Variants in AGAP4 observed in about 807,000 individuals in gnomAD.
The protein encoded by AGAP4 is ArfGAP with GTPase domain, ankyrin repeat and PH domain 4.
A neutral mutation model predicts 60.7 loss-of-function variants in AGAP4; 13 were observed. The ratio of observed to expected loss-of-function variants is 0.21; its 90% confidence interval spans 0.14 to 0.34. AGAP4 has a LOEUF of 0.34. Among genes scored for constraint, AGAP4 ranks in the 10% least tolerant of loss-of-function variants. The probability of loss-of-function intolerance (pLI) is 1.00; values close to 1 mark genes in which losing one functional copy is unlikely to be tolerated. For missense variants in AGAP4, 169 were observed against 884.0 expected (o/e 0.19, Z 10.26); for synonymous variants, 70 against 339.0 (o/e 0.21, Z 8.72).
exon 1 of AGAP4, chr10:45,853,786 C>T: frequency 7.8e-7 from 1 of 1,287,664 alleles, no homozygotes; most frequent in Non-Finnish European, 1.0e-6. Flanking sequence ...TTTGTGAAGG[C>T]ATCTTAGACA....
At chr10:45,843,915 C>T (rs782126926) in intron 3 of AGAP4, among the ~76,000 whole-genome samples, 2,411 of 149,932 alleles carry the variant, frequency 0.016, 52 homozygotes, top group Middle Eastern at 0.024. Context: ...TGATGATAAA[C>T]GACTATGTTT....
upstream of AGAP4, chr10:45,848,079 T>C (rs1554899834): frequency 2.0e-5 from 20 of 991,076 alleles, no homozygotes; most frequent in Non-Finnish European, 2.4e-5. Flanking sequence ...TGACTAAATA[T>C]AGATACACCT....
In AGAP4 at chr10:45,846,996, T is replaced by C. The variant is rs1453211777; in HGVS notation, c.223+129A>G. On this transcript the variant is annotated intron_variant, in intron 1 of 7. Coordinates refer to ENST00000616763, the MANE Select transcript of AGAP4 (RefSeq NM_001276343.3). ...TCAAGGCAGAGCCAGCTTTTGTTCC[T>C]GGCCAGCTCCCGGGAAAGCTGGCTA... 289 of 1,596,580 alleles carry C rather than the reference T, an allele frequency of 1.8e-4. 1 individual carries two copies. The African/African-American group carries it at 3.4e-3, about 19-fold the overall frequency.
upstream of AGAP4, among the ~76,000 whole-genome samples, chr10:45,850,706 AG>A (rs2059072913): frequency 6.6e-6 from 1 of 152,226 alleles, no homozygotes; most frequent in Non-Finnish European, 1.5e-5. Flanking sequence ...GTGAAAGAAG[AG>A]GGGAAGTAGA....
upstream of AGAP4, among the ~76,000 whole-genome samples, chr10:45,848,683 C>G (rs2059038645): frequency 1.3e-5 from 2 of 152,198 alleles, no homozygotes; most frequent in South Asian, 4.2e-4. Flanking sequence ...GCATGATTAT[C>G]AGAAAGTATA....
intron 4 of AGAP4, among the ~76,000 whole-genome samples, chr10:45,837,102 T>G (rs1554897971): frequency 7.2e-6 from 1 of 139,780 alleles, no homozygotes; most frequent in Non-Finnish European, 1.6e-5. Context: ...CCTGACCTCA[T>G]GATCCGTCCG....
At chr10:45,850,554 A>G (rs1554900227), upstream of AGAP4, among the ~76,000 whole-genome samples, 1 of 152,230 alleles carries the variant, frequency 6.6e-6, no homozygotes, top group Admixed American at 6.5e-5. Context: ...TCTGTATAAT[A>G]AGGACTGAAG....
chr10:45,852,293 T>C (rs1256321802), upstream of AGAP4, among the ~76,000 whole-genome samples: 1 of 135,758 alleles, frequency 7.4e-6, no homozygotes, highest in African/African-American at 2.8e-5. Context: ...CACTTCTTGA[T>C]ACAACTAACT....
At chr10:45,830,095 AC>A (rs2058707010) in intron 6 of AGAP4, among the ~76,000 whole-genome samples, 1 of 149,024 alleles carries the variant, frequency 6.7e-6, no homozygotes, top group East Asian at 1.9e-4. Context: ...GTTAACAAAT[AC>A]CCACAACTGT....
intron 4 of AGAP4, among the ~76,000 whole-genome samples, chr10:45,838,790 A>G (rs1444044228): frequency 2.6e-5 from 4 of 151,830 alleles, no homozygotes; most frequent in Non-Finnish European, 5.9e-5. Flanking sequence ...TGACCAGGCT[A>G]AAAATGAACA....
chr10:45,834,376 A>G (rs1207824713), intron 4 of AGAP4, among the ~76,000 whole-genome samples: 4 of 141,056 alleles, frequency 2.8e-5, no homozygotes, highest in Non-Finnish European at 4.5e-5. Context: ...CGTTAAAAAT[A>G]ATGGGAAAAG....
chr10:45,832,275 A>T (rs1300164704), intron 5 of AGAP4, among the ~76,000 whole-genome samples: 2 of 146,344 alleles, frequency 1.4e-5, no homozygotes, highest in East Asian at 3.9e-4. Flanking sequence ...GAAAGGACCA[A>T]TGACCTTATG....
At chr10:45,848,915 G>A (rs1328548973), upstream of AGAP4, 1 of 150,376 alleles carries the variant, frequency 6.6e-6, no homozygotes, top group African/African-American at 2.5e-5. Flanking sequence ...AGGAGCAACT[G>A]TCAAACATGT....
At chr10:45,832,277 G>T (rs1554897254) in intron 5 of AGAP4, among the ~76,000 whole-genome samples, 2 of 146,168 alleles carry the variant, frequency 1.4e-5, no homozygotes, top group African/African-American at 5.0e-5. Context: ...AAGGACCAAT[G>T]ACCTTATGTG....
upstream of AGAP4, among the ~76,000 whole-genome samples, chr10:45,851,173 C>T (rs1388461535): frequency 6.6e-6 from 1 of 151,864 alleles, no homozygotes; most frequent in African/African-American, 2.4e-5. Context: ...GAGGTGACTG[C>T]CCTGAGAAGC....
intron 4 of AGAP4, 29 bp from the exon 5 acceptor site, chr10:45,834,145 C>T: frequency 1.3e-6 from 2 of 1,517,926 alleles, no homozygotes; most frequent in Non-Finnish European, 1.8e-6. Context: ...GTAAGTCAAA[C>T]TTATCAAAGT....
intron 4 of AGAP4, among the ~76,000 whole-genome samples, chr10:45,838,040 C>T (rs2058851463): frequency 6.6e-6 from 1 of 150,834 alleles, no homozygotes; most frequent in Admixed American, 6.6e-5. Context: ...CTCAAATGCC[C>T]GTCAATCAAT....
chr10:45,852,217 T>TAAAAAAAAAAAAAAAAAAAAA (rs781889843), upstream of AGAP4, among the ~76,000 whole-genome samples: 2 of 91,714 alleles, frequency 2.2e-5, no homozygotes, highest in African/African-American at 1.1e-4. Flanking sequence ...GGCCAGACTT[T>TAAAAAAAAAAAAAAAAAAAAA]AAAAAAAAAA....
At chr10:45,828,423 T>A (rs1233986857) in intron 6 of AGAP4, among the ~76,000 whole-genome samples, 1 of 150,014 alleles carries the variant, frequency 6.7e-6, no homozygotes, top group African/African-American at 2.4e-5. Context: ...TAAACTTTAA[T>A]AAATGTAAAT....
Sources: allele counts gnomAD v4.1 joint callset (sites outside exome capture counted in the v4.1 genomes callset), GRCh38; gene constraint gnomAD v4.1.1; transcripts MANE v1.5; gene names NCBI Gene and HGNC (gene_info 2026-07-23, HGNC 2026-07-21).